Variants in CD36 observed in about 807,000 individuals in gnomAD.
CD36 encodes the protein CD36 molecule (CD36 blood group).
CD36 carries 119 observed loss-of-function variants against 55.2 expected under a neutral mutation model. That is an observed-to-expected ratio of 2.15 (90% CI 1.86 to 2.51). The LOEUF (loss-of-function observed/expected upper bound fraction) is 2.51, where lower values mean the gene tolerates loss of function less well. CD36 is among the 30% of genes most tolerant of loss of function. The probability of loss-of-function intolerance (pLI) is 0.00; values close to 1 mark genes in which losing one functional copy is unlikely to be tolerated. For synonymous variants in CD36, 186 were observed against 193.6 expected (o/e 0.96, Z 0.33); for missense variants, 819 against 555.5 (o/e 1.47, Z -4.77).
chr7:80,620,734 GA>G (rs1484080311), intron 1 of CD36, among the ~76,000 whole-genome samples: 1 of 152,196 alleles, frequency 6.6e-6, no homozygotes, highest in Non-Finnish European at 1.5e-5. Context: ...AGGAGGGCTA[GA>G]GGGAGATTCT....
At chr7:80,623,691 G>T (rs1793596917) in intron 1 of CD36, among the ~76,000 whole-genome samples, 1 of 152,142 alleles carries the variant, frequency 6.6e-6, no homozygotes, top group African/African-American at 2.4e-5. Context: ...CCACAAACTG[G>T]AATATTCACT....
At chr7:80,603,769 C>CAAAA (rs371964967) in intron 1 of CD36, among the ~76,000 whole-genome samples, 2,159 of 94,262 alleles carry the variant, frequency 0.023, 27 homozygotes, top group Non-Finnish European at 0.025. Context: ...TACAGTCAGG[C>CAAAA]AAAAAAAAAA....
chr7:80,673,449 T>TTTGTATATAA (rs772647029), intron 13 of CD36, 40 bp downstream of exon 13: 1 of 1,145,408 alleles, frequency 8.7e-7, no homozygotes, highest in Non-Finnish European at 1.3e-6. Flanking sequence ...AACAACCTTC[T>TTTGTATATAA]TTGTATATAA....
chr7:80,604,319 T>TA (rs1562764466), intron 1 of CD36, among the ~76,000 whole-genome samples: 1 of 147,000 alleles, frequency 6.8e-6, no homozygotes, highest in African/African-American at 2.5e-5. Context: ...CTGTTGTATA[T>TA]AGAAGTACAG....
chr7:80,665,693 T>TTAAC (rs1797014707), intron 7 of CD36, among the ~76,000 whole-genome samples: 1 of 152,120 alleles, frequency 6.6e-6, no homozygotes. Flanking sequence ...TAAGGTTGAT[T>TTAAC]TAACTCATGG....
At chr7:80,659,813 G>T (rs190426632) in intron 4 of CD36, among the ~76,000 whole-genome samples, 5 of 152,190 alleles carry the variant, frequency 3.3e-5, no homozygotes, top group African/African-American at 1.2e-4. Context: ...TGTCCTGAGT[G>T]CTGTTTCAGA....
upstream of CD36, among the ~76,000 whole-genome samples, chr7:80,635,512 T>A (rs1016267653): frequency 1.3e-5 from 2 of 152,090 alleles, no homozygotes; most frequent in Non-Finnish European, 2.9e-5. Flanking sequence ...TGACCTCAAG[T>A]GATCCGCCCA....
upstream of CD36, among the ~76,000 whole-genome samples, chr7:80,636,186 G>C (rs758241085): frequency 6.6e-6 from 1 of 152,086 alleles, no homozygotes; most frequent in Non-Finnish European, 1.5e-5. Flanking sequence ...AGGGGAGGAG[G>C]CTTGTAGGAA....
intron 8 of CD36, 58 bp downstream of exon 8, chr7:80,666,547 C>T: frequency 8.1e-7 from 1 of 1,238,758 alleles, no homozygotes; most frequent in Non-Finnish European, 1.2e-6. Flanking sequence ...CCCACAAATC[C>T]ACCGTTGTAC....
intron 1 of CD36, among the ~76,000 whole-genome samples, chr7:80,641,979 C>T (rs1794848486): frequency 6.6e-6 from 1 of 151,448 alleles, no homozygotes; most frequent in Non-Finnish European, 1.5e-5. Context: ...CTCCCTCTTT[C>T]AAAGATGACC....
chr7:80,676,873 G>T lies in CD36; in HGVS notation c.*490G>T, dbSNP rs190983555. The T allele has an allele frequency of 5.0e-4, 76 of 152,034 alleles. No individual in the cohort carries two copies. The highest frequency in any genetic ancestry group is 3.4e-3 in the Middle Eastern group (1 of 294). The allele number at this position is 152,034 out of a possible 1,614,324, so 9.4% of individuals were successfully genotyped here. A position where few individuals can be genotyped will look rare whatever the true frequency, so the allele number is the denominator to read the frequency against. On this transcript the variant is annotated 3_prime_UTR_variant, in exon 15 of 15. Transcript: ENST00000447544. ...TCAGAATGCTTTTCTAGCATTAAGA[G>T]ATGTAAATGATAAAGGAATTATTGT...
intron 1 of CD36, among the ~76,000 whole-genome samples, chr7:80,608,768 G>A (rs1267878917): frequency 6.6e-6 from 1 of 152,036 alleles, no homozygotes. Context: ...ACCTCCTTTT[G>A]TCTTGTTACT....
In CD36 at chr7:80,669,971, C is replaced by A. The variant is rs201155452; in HGVS notation, c.767C>A (p.Pro256His). The A allele has an allele frequency of 1.2e-6, 2 of 1,612,400 alleles. No individual in the cohort carries two copies. The highest frequency in any genetic ancestry group is 2.7e-5 in the African/African-American group (2 of 74,924). The part of the protein sequence containing the change: ...INGTDAASFP[P>H]FVEKSQVLQF... ...TAAACAGATGCAGCCTCATTTCCAC[C>A]TTTTGTTGAGAAAAGCCAGGTATTG... Residue 256 changes from proline (P) to histidine (H), a missense_variant, in exon 9 of 15, where the codon CCT becomes CAT. Pro to His is a moderately conservative substitution (Grantham distance 77). Coordinates refer to ENST00000447544, the MANE Select transcript of CD36 (RefSeq NM_001001548.3).
chr7:80,648,368 C>A (rs370709318), intron 3 of CD36, among the ~76,000 whole-genome samples: 36 of 152,230 alleles, frequency 2.4e-4, no homozygotes, highest in African/African-American at 8.4e-4. Context: ...TCTTCCAATG[C>A]ACAGCGATTT....
At chr7:80,628,111 A>G (rs1449388627) in intron 1 of CD36, among the ~76,000 whole-genome samples, 1 of 152,048 alleles carries the variant, frequency 6.6e-6, no homozygotes, top group Non-Finnish European at 1.5e-5. Flanking sequence ...TGGAATAAAC[A>G]AAGGTACTTC....
intron 3 of CD36, among the ~76,000 whole-genome samples, chr7:80,654,362 C>A (rs1014800983): frequency 6.6e-6 from 1 of 152,098 alleles, no homozygotes; most frequent in Non-Finnish European, 1.5e-5. Flanking sequence ...TACTTGTGTA[C>A]AAACCTAATA....
intron 1 of CD36, among the ~76,000 whole-genome samples, chr7:80,619,929 G>T (rs1012597641): frequency 6.6e-6 from 1 of 152,086 alleles, no homozygotes; most frequent in Non-Finnish European, 1.5e-5. Flanking sequence ...TAGAAGTGAA[G>T]CCTGAAGATG....
chr7:80,621,743 G>A (rs1175895481), intron 1 of CD36, among the ~76,000 whole-genome samples: 1 of 152,168 alleles, frequency 6.6e-6, no homozygotes, highest in Non-Finnish European at 1.5e-5. Context: ...ATGAAAAAGA[G>A]GTATTATTCT....
chr7:80,624,946 C>T (rs1366121815), intron 1 of CD36: 1 of 152,094 alleles, frequency 6.6e-6, no homozygotes, highest in African/African-American at 2.4e-5. Flanking sequence ...AAGTAGAGGT[C>T]ACACGCAGTC....
Sources: gnomAD v4.1 joint callset for allele counts (sites outside exome capture counted in the v4.1 genomes callset) on GRCh38, gnomAD v4.1.1 for gene constraint, MANE v1.5 for transcripts, NCBI Gene and HGNC (gene_info 2026-07-23, HGNC 2026-07-21) for gene names.